Variants in FBXL13 observed in about 807,000 individuals in gnomAD.
The protein encoded by FBXL13 is F-box and leucine-rich repeat protein 13.
A neutral mutation model predicts 83.6 loss-of-function variants in FBXL13; 67 were observed. The observed-to-expected ratio is 0.80, with a 90% CI of 0.66 to 0.98. The LOEUF (loss-of-function observed/expected upper bound fraction) is 0.98. Ranked by LOEUF, FBXL13 falls within the 50% of genes least tolerant of loss-of-function variation. The probability of loss-of-function intolerance (pLI) is 0.00; values close to 1 mark genes in which losing one functional copy is unlikely to be tolerated. For missense variants in FBXL13, 822 were observed against 866.5 expected (o/e 0.95, Z 0.64); for synonymous variants, 272 against 299.5 (o/e 0.91, Z 0.95).
intron 1 of FBXL13, among the ~76,000 whole-genome samples, chr7:103,070,176 CA>C (rs1474378544): frequency 1.3e-5 from 2 of 151,776 alleles, no homozygotes; most frequent in Admixed American, 1.3e-4. Context: ...AGCAGACCCA[CA>C]AATGATCTGG....
exon 6 of FBXL13, chr7:103,025,149 G>C: frequency 6.2e-7 from 1 of 1,611,932 alleles, no homozygotes; most frequent in Non-Finnish European, 8.5e-7. Flanking sequence ...CTTCGTTCAG[G>C]AAAATTGGAT....
At chr7:102,934,096 T>G in intron 8 of FBXL13, 1 of 1,614,150 alleles carries the variant, frequency 6.2e-7, no homozygotes, top group Non-Finnish European at 8.5e-7. Context: ...CATATCTCCA[T>G]GAGAAATACT....
At chr7:102,870,307 A>C (rs1312936000) in intron 16 of FBXL13, among the ~76,000 whole-genome samples, 1 of 152,168 alleles carries the variant, frequency 6.6e-6, no homozygotes, top group Non-Finnish European at 1.5e-5. Flanking sequence ...AGAGACATTA[A>C]CCATCACCAT....
intron 5 of FBXL13, among the ~76,000 whole-genome samples, chr7:103,026,601 G>A (rs1437286895): frequency 2.0e-5 from 3 of 152,200 alleles, no homozygotes; most frequent in Non-Finnish European, 4.4e-5. Flanking sequence ...AACTTCTAGA[G>A]AGCATCTCAA....
At chr7:103,041,742 T>C (rs1458980685) in intron 2 of FBXL13, among the ~76,000 whole-genome samples, 1 of 152,198 alleles carries the variant, frequency 6.6e-6, no homozygotes, top group African/African-American at 2.4e-5. Flanking sequence ...TCTCAATAGA[T>C]GTAGAAAAGA....
chr7:102,905,060 T>C (rs1380197744), intron 11 of FBXL13, among the ~76,000 whole-genome samples: 1 of 151,760 alleles, frequency 6.6e-6, no homozygotes, highest in Non-Finnish European at 1.5e-5. Context: ...ATGATCCATG[T>C]CCTGAGGAAA....
At chr7:102,925,926 G>T (rs1173059594) in intron 10 of FBXL13, among the ~76,000 whole-genome samples, 1 of 127,464 alleles carries the variant, frequency 7.8e-6, no homozygotes, top group African/African-American at 2.9e-5. Flanking sequence ...GGGCGACAGA[G>T]CAAGACTCTG....
At chr7:102,934,262 A>T (rs1357624694) in intron 8 of FBXL13, 3 of 1,614,076 alleles carry the variant, frequency 1.9e-6, no homozygotes, top group Non-Finnish European at 2.5e-6. Flanking sequence ...GCAGAATGAG[A>T]TCTCTAAAAT....
chr7:102,977,126 C>T (rs1192571375), intron 6 of FBXL13, among the ~76,000 whole-genome samples: 1 of 152,134 alleles, frequency 6.6e-6, no homozygotes, highest in Non-Finnish European at 1.5e-5. Context: ...GGACGAGTGG[C>T]CCCTGCAATG....
intron 8 of FBXL13, among the ~76,000 whole-genome samples, chr7:102,953,404 A>G (rs933359800): frequency 6.6e-6 from 1 of 152,180 alleles, no homozygotes; most frequent in Admixed American, 6.5e-5. Context: ...TAATAGAAGG[A>G]AAGAGGGGAA....
At chr7:102,966,070 G>A (rs560723389) in intron 7 of FBXL13, among the ~76,000 whole-genome samples, 1 of 152,276 alleles carries the variant, frequency 6.6e-6, no homozygotes, top group South Asian at 2.1e-4. Flanking sequence ...CGTCGCATCT[G>A]GACAACATCC....
intron 6 of FBXL13, among the ~76,000 whole-genome samples, chr7:103,016,317 TG>T (rs201076740): frequency 3.0e-4 from 14 of 46,352 alleles, no homozygotes; most frequent in South Asian, 1.0e-3. Flanking sequence ...AACAGAAATG[TG>T]GGGGGGGTGG....
intron 8 of FBXL13, chr7:102,944,727 C>T: frequency 1.2e-6 from 1 of 867,170 alleles, no homozygotes; most frequent in Non-Finnish European, 1.7e-6. Flanking sequence ...CTAAAGGAAG[C>T]TTTCTTTAAT....
chr7:102,894,306 T>C (rs1011821570), intron 11 of FBXL13, among the ~76,000 whole-genome samples: 1 of 152,240 alleles, frequency 6.6e-6, no homozygotes, highest in Non-Finnish European at 1.5e-5. Flanking sequence ...TCTAGAGAGA[T>C]TTAACAGTAC....
chr7:103,061,937 C>CAA (rs768909275), intron 1 of FBXL13, among the ~76,000 whole-genome samples: 488 of 34,764 alleles, frequency 0.014, 17 homozygotes, highest in African/African-American at 0.051. Flanking sequence ...GACTGCGTCT[C>CAA]AAAAAAAAAA....
At chr7:103,067,164 G>T (rs1272274316) in intron 1 of FBXL13, among the ~76,000 whole-genome samples, 1 of 152,004 alleles carries the variant, frequency 6.6e-6, no homozygotes, top group Non-Finnish European at 1.5e-5. Context: ...ACTGAGGATT[G>T]AATTTAAAGT....
chr7:102,977,374 G>T (rs748746142), intron 6 of FBXL13, among the ~76,000 whole-genome samples: 2 of 152,234 alleles, frequency 1.3e-5, no homozygotes, highest in Non-Finnish European at 2.9e-5. Context: ...GGAGTCTGTG[G>T]TAACTTTAAT....
At position 102,878,558 on chromosome 7, in the gene FBXL13, A is replaced by G. The variant is rs2129458218; in HGVS notation, c.1389-108T>C. On this transcript the variant is annotated intron_variant, in intron 14 of 19. Transcript: ENST00000313221. Reference sequence around the variant, plus strand: ...AATATATTTCTAAAATAGCAAGGTAATATCTATATACTGGTATTTTGTCAA... The same window carrying G: ...AATATATTTCTAAAATAGCAAGGTAGTATCTATATACTGGTATTTTGTCAA... 3 of 649,446 alleles carry G rather than the reference A, an allele frequency of 4.6e-6. No homozygotes were observed. The East Asian group carries it at 9.9e-5, about 22-fold the overall frequency. 40.2% of individuals were successfully genotyped at this position (649,446 alleles called of 1,614,324 possible).
Position 102,913,071 on chromosome 7 carries a change from G to A in FBXL13, c.1008+15C>T, listed in dbSNP as rs1815078788. On this transcript the variant is annotated intron_variant, in intron 11 of 19. Coordinates refer to ENST00000313221, the Ensembl canonical transcript of FBXL13. ...TCCTCACACACCGCAGCAAAGAGAAGACTGAAAGACAAACCTGGGTGCAGC... is the reference window on the plus strand; with the variant it reads ...TCCTCACACACCGCAGCAAAGAGAAAACTGAAAGACAAACCTGGGTGCAGC... The A allele has an allele frequency of 8.7e-6, 14 of 1,614,060 alleles. No homozygotes were observed. The highest frequency in any genetic ancestry group is 1.2e-5 in the Non-Finnish European group (14 of 1,179,964).
Sources: gnomAD v4.1 joint callset for allele counts (sites outside exome capture counted in the v4.1 genomes callset) on GRCh38, gnomAD v4.1.1 for gene constraint, MANE v1.5 for transcripts, NCBI Gene and HGNC (gene_info 2026-07-23, HGNC 2026-07-21) for gene names.